Variants in DAB1 observed in about 807,000 individuals in gnomAD.
DAB1 encodes the protein DAB adaptor protein 1.
In DAB1, 15 loss-of-function variants were observed where a neutral mutation model predicts 64.6. The ratio of observed to expected loss-of-function variants is 0.23; its 90% CI spans 0.16 to 0.36. The LOEUF is 0.36. Among genes scored for constraint, DAB1 ranks in the 10% least tolerant of loss-of-function variants. DAB1 has a pLI of 1.00. For synonymous variants in DAB1, 235 were observed against 251.9 expected, an observed-to-expected ratio of 0.93 and a Z score of 0.64; for missense variants, 596 against 706.7, an observed-to-expected ratio of 0.84 and a Z score of 1.78.
chr1:56,999,095 C>T (rs894856106), intron 14 of DAB1, among the ~76,000 whole-genome samples: 18 of 151,452 alleles, frequency 1.2e-4, no homozygotes, highest in African/African-American at 4.4e-4. Context: ...TAGCTTGTCC[C>T]CTGCCTTGTC....
intron 2 of DAB1, among the ~76,000 whole-genome samples, chr1:58,522,868 C>T (rs1646288784): frequency 6.6e-6 from 1 of 152,134 alleles, no homozygotes; most frequent in African/African-American, 2.4e-5. Context: ...TGTCTCCATC[C>T]TTATCTTCAC....
chr1:57,091,396 T>A (rs1397973134), intron 4 of DAB1, among the ~76,000 whole-genome samples: 2 of 152,168 alleles, frequency 1.3e-5, no homozygotes, highest in Admixed American at 6.6e-5. Context: ...AACAACCACA[T>A]CGTAGTTTTA....
intron 1 of DAB1, among the ~76,000 whole-genome samples, chr1:57,361,656 T>C (rs557559913): frequency 2.9e-4 from 44 of 152,214 alleles, no homozygotes; most frequent in African/African-American, 1.0e-3. Context: ...TGTATACATA[T>C]GTCATTCAGT....
At chr1:58,273,797 C>T (rs1234254047) in intron 4 of DAB1, among the ~76,000 whole-genome samples, 5 of 95,464 alleles carry the variant, frequency 5.2e-5, no homozygotes, top group African/African-American at 1.7e-4. Flanking sequence ...TCCAGTTGAT[C>T]GCATCGGCTC....
intron 6 of DAB1, among the ~76,000 whole-genome samples, chr1:57,737,678 C>T (rs1462118019): frequency 1.3e-5 from 2 of 152,162 alleles, no homozygotes; most frequent in Admixed American, 1.3e-4. Flanking sequence ...CACACTGGAC[C>T]ATCCCCTTGA....
At chr1:57,300,331 TGA>T (rs1673537773) in intron 1 of DAB1, among the ~76,000 whole-genome samples, 1 of 152,170 alleles carries the variant, frequency 6.6e-6, no homozygotes, top group African/African-American at 2.4e-5. Flanking sequence ...ACAGTTGGTA[TGA>T]GAGAAATCAT....
chr1:58,459,698 C>T (rs1645224786), intron 3 of DAB1, among the ~76,000 whole-genome samples: 1 of 152,156 alleles, frequency 6.6e-6, no homozygotes, highest in South Asian at 2.1e-4. Context: ...AGTCACAGGG[C>T]CGGGTATGGT....
At chr1:57,109,724 G>A (rs1427338858) in intron 4 of DAB1, among the ~76,000 whole-genome samples, 1 of 152,148 alleles carries the variant, frequency 6.6e-6, no homozygotes, top group Non-Finnish European at 1.5e-5. Flanking sequence ...TATGAGGGAG[G>A]CATTATTATT....
chr1:57,972,468 C>T (rs555939214), intron 5 of DAB1, among the ~76,000 whole-genome samples: 10 of 152,254 alleles, frequency 6.6e-5, no homozygotes, highest in African/African-American at 2.2e-4. Flanking sequence ...GTCTCGAACT[C>T]CTGGCCTCAA....
intron 4 of DAB1, among the ~76,000 whole-genome samples, chr1:57,120,349 C>T (rs1656526610): frequency 6.6e-6 from 1 of 152,206 alleles, no homozygotes; most frequent in Non-Finnish European, 1.5e-5. Flanking sequence ...GGGTTTAGTA[C>T]TGTGAACACA....
intron 5 of DAB1, chr1:58,056,272 T>C: frequency 7.5e-7 from 1 of 1,334,534 alleles, no homozygotes; most frequent in East Asian, 2.3e-5. Flanking sequence ...GTAATGTAGC[T>C]TCACATACAG....
At position 58,082,805 on chromosome 1, in the gene DAB1, G is replaced by T. The variant is rs191947478; in HGVS notation, n.387+67706C>A. On this transcript the variant is annotated intron_variant and non_coding_transcript_variant, in intron 5 of 20. Coordinates refer to the DAB1 transcript ENST00000485760. ...CAGAGGGGACAGGACACAGCAGACA[G>T]GTGGGGGGGAGGGGTGGCCACCAGG... Among the ~76,000 whole-genome samples the T allele has an allele frequency of 1.6e-4, 25 of 152,262 alleles. No individual in the cohort carries two copies. In the East Asian group the frequency reaches 4.8e-3, roughly 29 times the overall value.
At chr1:57,512,499 T>C (rs933087523) in intron 7 of DAB1, among the ~76,000 whole-genome samples, 1 of 152,216 alleles carries the variant, frequency 6.6e-6, no homozygotes, top group Non-Finnish European at 1.5e-5. Flanking sequence ...TCACACTTAA[T>C]GTTTTTCACA....
At chr1:57,829,918 T>A (rs1043305580) in intron 1 of DAB1, among the ~76,000 whole-genome samples, 1 of 152,234 alleles carries the variant, frequency 6.6e-6, no homozygotes, top group Non-Finnish European at 1.5e-5. Flanking sequence ...GTACTTAAGA[T>A]GTATGATACT....
intron 4 of DAB1, among the ~76,000 whole-genome samples, chr1:58,205,079 C>T (rs369489983): frequency 6.6e-6 from 1 of 152,026 alleles, no homozygotes; most frequent in African/African-American, 2.4e-5. Context: ...GTCACTTGCT[C>T]GAGGTCACAC....
At chr1:57,805,111 C>T (rs1240339657) in intron 6 of DAB1, among the ~76,000 whole-genome samples, 1 of 152,182 alleles carries the variant, frequency 6.6e-6, no homozygotes, top group African/African-American at 2.4e-5. Flanking sequence ...TTTAGAATGG[C>T]TCCTGGTTTG....
At chr1:57,073,527 C>T (rs559250255) in intron 4 of DAB1, among the ~76,000 whole-genome samples, 28 of 152,258 alleles carry the variant, frequency 1.8e-4, no homozygotes, top group Middle Eastern at 3.4e-3. Flanking sequence ...TTCAACAGTA[C>T]TCTGTAAAGG....
chr1:58,005,223 C>A (rs1646563501), intron 5 of DAB1, among the ~76,000 whole-genome samples: 1 of 152,160 alleles, frequency 6.6e-6, no homozygotes, highest in Non-Finnish European at 1.5e-5. Flanking sequence ...CCAATAAAAT[C>A]TCTCATGCCC....
At chr1:57,919,468 G>T (rs1283575487) in intron 5 of DAB1, among the ~76,000 whole-genome samples, 1 of 152,206 alleles carries the variant, frequency 6.6e-6, no homozygotes, top group East Asian at 1.9e-4. Context: ...ACACCCTGGG[G>T]TCAGAGGCAG....
Sources: gnomAD v4.1 joint callset for allele counts (sites outside exome capture counted in the v4.1 genomes callset) on GRCh38, gnomAD v4.1.1 for gene constraint, MANE v1.5 for transcripts, NCBI Gene and HGNC (gene_info 2026-07-23, HGNC 2026-07-21) for gene names.